MIEF1: variants seen among roughly 807,000 people sequenced by gnomAD.
The protein encoded by MIEF1 is mitochondrial elongation factor 1, also known as mitochondrial dynamics protein MIEF1.
In MIEF1, 14 loss-of-function variants were observed where a neutral mutation model predicts 35.1. The observed-to-expected ratio is 0.40, with a 90% confidence interval of 0.26 to 0.62. The LOEUF (loss-of-function observed/expected upper bound fraction) is 0.62. Ranked by LOEUF, MIEF1 falls within the 20% of genes least tolerant of loss-of-function variation. MIEF1 has a pLI of 0.43. For synonymous variants in MIEF1, 245 were observed against 254.3 expected, an observed-to-expected ratio of 0.96 and a Z score of 0.35; for missense variants, 542 against 615.4, an observed-to-expected ratio of 0.88 and a Z score of 1.26.
rs961178029 is a variant in MIEF1, at chr22:39,515,418, T to G, written c.*1095T>G. The G allele has an allele frequency of 4.9e-5, 34 of 697,184 alleles. No individual in the cohort carries two copies. Among genetic ancestry groups the G allele is most frequent in the Non-Finnish European group, 8.8e-5 (33 of 375,162 alleles). The allele number at this position is 697,184 out of a possible 1,614,324, so 43.2% of individuals were successfully genotyped here. On this transcript the variant is annotated 3_prime_UTR_variant, in exon 6 of 6. Transcript: ENST00000325301. The stretch of plus-strand genomic sequence containing the variant: ...AACAGACCCAACAGCCAGCCCTTCA[T>G]CCTCCAGCGTCTGCCATAGGAATGT...
At position 39,516,407 on chromosome 22, in the gene MIEF1, T is replaced by G. The variant is rs576815763; in HGVS notation, c.*2084T>G. On this transcript the variant is annotated 3_prime_UTR_variant, in exon 6 of 6. Transcript: ENST00000325301. ...CTTGCATCTCTGACCAAATTTCACATAAAACATTGGAAGGAGGCTGGGTGC... is the reference window on the plus strand; with the variant it reads ...CTTGCATCTCTGACCAAATTTCACAGAAAACATTGGAAGGAGGCTGGGTGC... 1 of 152,314 alleles carries G rather than the reference T, an allele frequency of 6.6e-6. No homozygotes were observed. The highest frequency in any genetic ancestry group is 2.1e-4 in the South Asian group (1 of 4,826). 9.4% of individuals were successfully genotyped at this position (152,314 alleles called of 1,614,324 possible). A position where few individuals can be genotyped will look rare whatever the true frequency, so the allele number is the denominator to read the frequency against.
In MIEF1 at chr22:39,508,386, T is replaced by G. The variant is rs73420228; in HGVS notation, c.-7-2902T>G. ...CCAGGGAGGCTGCTTCTGCCCTGAG[T>G]GAGGAGGTGCCCTTCTGGCCCTGCT... On this transcript the variant is annotated intron_variant, in intron 2 of 5. Coordinates refer to ENST00000325301, the MANE Select transcript of MIEF1 (RefSeq NM_019008.6). Among the ~76,000 whole-genome samples the G allele has an allele frequency of 6.6e-3, 1,002 of 152,346 alleles. 10 individuals carry two copies. The highest frequency in any genetic ancestry group is 0.022 in the African/African-American group (919 of 41,580).
Position 39,513,629 on chromosome 22 carries a change from T to C in MIEF1, c.698T>C (p.Val233Ala), listed in dbSNP as rs1397554036. 1.2e-6 allele frequency: 2 copies of C among 1,614,080 alleles called. No homozygotes were observed. Among genetic ancestry groups the C allele is most frequent in the African/African-American group, 1.3e-5 (1 of 74,926 alleles). ...TIMNVPGFFL[V>A]RRENPEYFPR... ...ATGAATGTCCCTGGCTTCTTCCTGG[T>C]GCGTCGTGAGAATCCAGAGTACTTT... The change falls in exon 6 of 6, where the codon GTG (valine) becomes GCG (alanine). Residue 233 changes from valine to alanine, a missense_variant. Val to Ala is a moderately conservative substitution (Grantham distance 64). Coordinates refer to ENST00000325301, the MANE Select transcript of MIEF1 (RefSeq NM_019008.6).
chr22:39,513,444 G>T (rs898088115), intron 5 of MIEF1, 73 bp from the exon 6 acceptor site: 12 of 1,444,518 alleles, frequency 8.3e-6, no homozygotes, highest in Non-Finnish European at 1.1e-5. Flanking sequence ...TAAGATGGTG[G>T]GAACCGTCTT....
At chr22:39,508,775 G>A (rs1930180564) in intron 2 of MIEF1, among the ~76,000 whole-genome samples, 2 of 152,282 alleles carry the variant, frequency 1.3e-5, no homozygotes, top group African/African-American at 2.4e-5. Flanking sequence ...TAGAGAAAAG[G>A]AAAGTACCCC....
intron 2 of MIEF1, among the ~76,000 whole-genome samples, chr22:39,506,808 T>C (rs2066527128): frequency 6.6e-6 from 1 of 152,254 alleles, no homozygotes; most frequent in Non-Finnish European, 1.5e-5. Context: ...AGAGCTGAAA[T>C]TCTCCATCCC....
In MIEF1 at chr22:39,517,576, A is replaced by G. The variant is rs537516470; in HGVS notation, c.*3253A>G. 346 of 471,190 alleles carry G rather than the reference A, an allele frequency of 7.3e-4. 2 individuals are homozygous for G. Among genetic ancestry groups the G allele is most frequent in the African/African-American group, 6.4e-3 (320 of 50,196 alleles). The allele number at this position is 471,190 out of a possible 1,614,324, so 29.2% of individuals were successfully genotyped here. A position where few individuals can be genotyped will look rare whatever the true frequency, so the allele number is the denominator to read the frequency against. On this transcript the variant is annotated 3_prime_UTR_variant, in exon 6 of 6. Transcript: ENST00000325301. ...AGGTGGGAGGGTTCTGTAAATACAG[A>G]CTACTGCGAGTGTCCAGAGCTCTCT...
chr22:39,508,302 A>G lies in MIEF1; in HGVS notation c.-7-2986A>G, dbSNP rs80268142. 8.4e-3 allele frequency among the ~76,000 whole-genome samples: 1,280 copies of G among 152,274 alleles called. 18 individuals carry two copies. Among genetic ancestry groups the G allele is most frequent in the African/African-American group, 0.03 (1,246 of 41,558 alleles). On this transcript the variant is annotated intron_variant, in intron 2 of 5. Coordinates refer to ENST00000325301, the MANE Select transcript of MIEF1 (RefSeq NM_019008.6). Reference sequence around the variant, plus strand: ...TCTAAAACCCACGCTCTGTTCTGTCATCTGTAGCACCACCTTGCTCTCACC... The same window carrying G: ...TCTAAAACCCACGCTCTGTTCTGTCGTCTGTAGCACCACCTTGCTCTCACC...
chr22:39,512,190 G>C (rs750262976), intron 4 of MIEF1, 42 bp from the exon 5 acceptor site: 14 of 1,595,644 alleles, frequency 8.8e-6, no homozygotes, highest in Non-Finnish European at 1.2e-5. Context: ...GACTGAGCAG[G>C]CATGGGCAGA....
At position 39,514,998 on chromosome 22, in the gene MIEF1, G is replaced by A; in HGVS notation, c.*675G>A. 1.9e-6 allele frequency: 1 copy of A among 530,964 alleles called. No homozygotes were observed. The highest frequency in any genetic ancestry group is 3.3e-6 in the Non-Finnish European group (1 of 299,374). 32.9% of individuals were successfully genotyped at this position (530,964 alleles called of 1,614,324 possible). A position where few individuals can be genotyped will look rare whatever the true frequency, so the allele number is the denominator to read the frequency against. On this transcript the variant is annotated 3_prime_UTR_variant, in exon 6 of 6. Transcript: ENST00000325301. ...GGGAACACTGTTAATGACCCACACA[G>A]GATAAGCTGAATGCAAAGTTATTTG...
At chr22:39,506,852 G>C (rs1325648140) in intron 2 of MIEF1, among the ~76,000 whole-genome samples, 1 of 152,102 alleles carries the variant, frequency 6.6e-6, no homozygotes, top group East Asian at 1.9e-4. Flanking sequence ...TTCCTTCTTT[G>C]TTTTTTATTT....
intron 4 of MIEF1, 40 bp from the exon 5 acceptor site, chr22:39,512,192 A>G (rs1489213005): frequency 1.3e-6 from 2 of 1,597,414 alleles, no homozygotes; most frequent in South Asian, 2.2e-5. Context: ...CTGAGCAGGC[A>G]TGGGCAGAGC....
intron 4 of MIEF1, 89 bp downstream of exon 4, chr22:39,512,115 C>T: frequency 1.3e-6 from 2 of 1,556,646 alleles, no homozygotes; most frequent in South Asian, 1.2e-5. Context: ...CACATCTGTG[C>T]CAGGCACTGT....
At chr22:39,501,316 G>C (rs930737897), upstream of MIEF1, among the ~76,000 whole-genome samples, 12 of 152,318 alleles carry the variant, frequency 7.9e-5, no homozygotes, top group African/African-American at 2.6e-4. Context: ...CCTGGTTCTC[G>C]TCCTTTTATC....
intron 2 of MIEF1, among the ~76,000 whole-genome samples, chr22:39,510,264 G>T (rs1569017591): frequency 6.6e-6 from 1 of 151,744 alleles, no homozygotes; most frequent in Non-Finnish European, 1.5e-5. Flanking sequence ...GGCCCATTTT[G>T]TTTTTTTATT....
intron 5 of MIEF1, 24 bp from the exon 6 acceptor site, chr22:39,513,493 A>T: frequency 1.2e-6 from 2 of 1,608,740 alleles, no homozygotes; most frequent in Non-Finnish European, 8.5e-7. Context: ...AACCCTCAAA[A>T]CCCTTTAAAT....
rs1929918580 is a variant in MIEF1 at position 39,504,502 on chromosome 22, T to C, written c.-40T>C. 2.5e-6 allele frequency: 1 copy of C among 398,562 alleles called. No individual in the cohort carries two copies. The highest frequency in any genetic ancestry group is 2.1e-5 in the African/African-American group (1 of 48,626). The allele number at this position is 398,562 out of a possible 1,614,324, so 24.7% of individuals were successfully genotyped here. A position where few individuals can be genotyped will look rare whatever the true frequency, so the allele number is the denominator to read the frequency against. On this transcript the variant is annotated 5_prime_UTR_variant, in exon 2 of 6. Transcript: ENST00000325301. ...CTGTAGACACTCCTGCTCTCTTCCATCCCCATCTTACAGATGTATTAAGAA... is the reference window on the plus strand; with the variant it reads ...CTGTAGACACTCCTGCTCTCTTCCACCCCCATCTTACAGATGTATTAAGAA...
intron 5 of MIEF1, 67 bp from the exon 6 acceptor site, chr22:39,513,450 G>C: frequency 1.3e-6 from 2 of 1,486,874 alleles, no homozygotes. Flanking sequence ...GGTGGGAACC[G>C]TCTTAGAGGA....
At chr22:39,507,285 C>T (rs894473661) in intron 2 of MIEF1, among the ~76,000 whole-genome samples, 4 of 151,958 alleles carry the variant, frequency 2.6e-5, no homozygotes, top group East Asian at 2.0e-4. Flanking sequence ...TGCTCTGTCA[C>T]CCAGGCTGGA....
Sources: allele counts gnomAD v4.1 joint callset (sites outside exome capture counted in the v4.1 genomes callset), GRCh38; gene constraint gnomAD v4.1.1; transcripts MANE v1.5; gene names NCBI Gene and HGNC (gene_info 2026-07-23, HGNC 2026-07-21).